The following PPP1R26 variants were observed in gnomAD, a reference collection of about 807,000 sequenced individuals.
PPP1R26 encodes 1A6/DRIM (down-regulated in metastasis) interacting protein.
In PPP1R26, 22 loss-of-function variants were observed where a neutral mutation model predicts 67.6. That is an observed-to-expected ratio of 0.33 (90% CI 0.23 to 0.46). PPP1R26 has a LOEUF of 0.46. Ranked by LOEUF, PPP1R26 falls within the 20% of genes least tolerant of loss-of-function variation. The probability of loss-of-function intolerance (pLI) is 1.00; values close to 1 mark genes in which losing one functional copy is unlikely to be tolerated. For synonymous variants in PPP1R26, 729 were observed against 717.2 expected, an observed-to-expected ratio of 1.02 and a Z score of -0.26; for missense variants, 1,602 against 1,651.4, an observed-to-expected ratio of 0.97 and a Z score of 0.52.
At chr9:135,483,862 C>CAT (rs1240215543) in intron 2 of PPP1R26, 88 bp from the exon 3 acceptor site, 1 of 396,674 alleles carries the variant, frequency 2.5e-6, no homozygotes, top group East Asian at 3.6e-5. Context: ...TGACATTTAA[C>CAT]ATAGAGAGGG....
Position 135,486,497 on chromosome 9 carries a change from C to G in PPP1R26, c.1987C>G (p.Gln663Glu). Residue 663 changes from glutamine to glutamate, a missense_variant, in exon 4 of 4, where the codon CAG (glutamine) becomes GAG (glutamate). Gln to Glu is a conservative substitution (Grantham distance 29). Coordinates refer to ENST00000356818, the MANE Select transcript of PPP1R26 (RefSeq NM_014811.5). The surrounding 1 kb of genome is among the most constrained non-coding windows in gnomAD (Gnocchi z 6.2). ...ARGPGDTRMSQGQGKTDEARR... is the reference protein window; with the variant it reads ...ARGPGDTRMSEGQGKTDEARR... ...GGGCCCTGGCGACACTCGCATGTCA[C>G]AGGGCCAGGGTAAGACAGACGAGGC... 6.2e-7 allele frequency: 1 copy of G among 1,612,820 alleles called. No homozygotes were observed. The highest frequency in any genetic ancestry group is 8.5e-7 in the Non-Finnish European group (1 of 1,179,884).
At position 135,487,082 on chromosome 9, in the gene PPP1R26, G is replaced by T. The variant is rs370760585; in HGVS notation, c.2572G>T (p.Val858Phe). The T allele has an allele frequency of 1.8e-5, 29 of 1,611,424 alleles. No individual in the cohort carries two copies. Among genetic ancestry groups the T allele is most frequent in the Admixed American group, 5.0e-5 (3 of 60,004 alleles). The change falls in exon 4 of 4, where the codon GTT becomes TTT. Residue 858 changes from valine to phenylalanine, a missense_variant. Physicochemically the swap from Val to Phe is conservative, Grantham distance 50. Coordinates refer to ENST00000356818, the MANE Select transcript of PPP1R26 (RefSeq NM_014811.5). ...CAAGGAGTCAGTGAGCAGTTCAGAA[G>T]TTCAGGCAGAGGGCCCCACCGCTCT... ...KAKESVSSSEVQAEGPTALGT... is the reference protein window; with the variant it reads ...KAKESVSSSEFQAEGPTALGT...
rs776026138 is a variant in PPP1R26 at position 135,486,414 on chromosome 9, G to A, written c.1904G>A (p.Arg635Gln). The A allele has an allele frequency of 2.0e-5, 33 of 1,612,962 alleles. No individual in the cohort carries two copies. Among genetic ancestry groups the A allele is most frequent in the Non-Finnish European group, 2.5e-5 (30 of 1,179,860 alleles). The change falls in exon 4 of 4, where the codon CGA becomes CAA. Residue 635 changes from arginine to glutamine, a missense_variant. By Grantham distance (43) the Arg-to-Gln change is conservative (BLOSUM62 1). Coordinates refer to ENST00000356818, the MANE Select transcript of PPP1R26 (RefSeq NM_014811.5). This position sits in a 1 kb window ranked among gnomAD's most constrained non-coding sequence, Gnocchi z 6.2. ...AGAGCTGAGCCCGGCCATGAGAGGC[G>A]AGACCTGCCCATCCAGGGCAAAGCC... ...QGRAEPGHER[R>Q]DLPIQGKASE...
intron 1 of PPP1R26, among the ~76,000 whole-genome samples, chr9:135,481,352 T>C (rs1170379981): frequency 6.6e-6 from 1 of 151,566 alleles, no homozygotes; most frequent in East Asian, 1.9e-4. Context: ...GCGATTCTCG[T>C]GCCTCAGCCC....
rs1175368772 is a variant in PPP1R26, at chr9:135,486,125, C to T, written c.1615C>T (p.Arg539Trp). The part of the protein sequence containing the change: ...DSDDSIEQEI[R>W]TFLALKAQSG... The stretch of plus-strand genomic sequence containing the variant: ...CGATGACAGCATCGAGCAGGAAATC[C>T]GGACATTTTTGGCCCTAAAGGCGCA... The change falls in exon 4 of 4, where the codon CGG (arginine) becomes TGG (tryptophan). Residue 539 changes from arginine to tryptophan, a missense_variant. Around this residue, in one of 5 missense-constraint regions of PPP1R26, gnomAD observed 680 missense variants for 726.1 expected, o/e 0.94. Coordinates refer to ENST00000356818, the MANE Select transcript of PPP1R26 (RefSeq NM_014811.5). The surrounding 1 kb of genome is among the most constrained non-coding windows in gnomAD (Gnocchi z 6.2). The T allele has an allele frequency of 8.7e-6, 14 of 1,612,806 alleles. No individual in the cohort carries two copies. The highest frequency in any genetic ancestry group is 1.3e-5 in the African/African-American group (1 of 74,920).
Position 135,486,220 on chromosome 9 carries a change from C to T in PPP1R26, c.1710C>T (p.Gly570=). The T allele has an allele frequency of 6.2e-7, 1 of 1,612,990 alleles. No individual in the cohort carries two copies. Among genetic ancestry groups the T allele is most frequent in the East Asian group, 2.2e-5 (1 of 44,870 alleles). Residue 570 remains glycine, a synonymous_variant, in exon 4 of 4, where the codon GGC becomes GGT. Coordinates refer to ENST00000356818, the MANE Select transcript of PPP1R26 (RefSeq NM_014811.5). This position sits in a 1 kb window ranked among gnomAD's most constrained non-coding sequence, Gnocchi z 6.2. ...QAAQGPLLPP[G]LNSQTGGHKT... ...CCCAGGGTCCACTTTTGCCGCCTGG[C>T]CTCAACAGCCAGACCGGCGGCCACA...
rs755220292 is a variant in PPP1R26, at chr9:135,487,737, C to T, written c.3227C>T (p.Ala1076Val). 137 of 1,458,368 alleles carry T rather than the reference C, an allele frequency of 9.4e-5. 2 individuals carry two copies. In the South Asian group the frequency reaches 1.3e-3, roughly 14 times the overall value. The allele number at this position is 1,458,368 out of a possible 1,614,324, so 90.3% of individuals were successfully genotyped here. Residue 1076 changes from alanine (A) to valine (V), a missense_variant, in exon 4 of 4, where the codon GCG becomes GTG. Ala to Val is a moderately conservative substitution (Grantham distance 64, BLOSUM62 0). Transcript: ENST00000356818. ...PARGLPSLPL[A>V]GFSPLLSTQL... ...CGGGGCCTGCCCAGCCTGCCCCTTG[C>T]GGGCTTCTCGCCGCTGCTGTCCACC...
intron 1 of PPP1R26, among the ~76,000 whole-genome samples, chr9:135,481,619 AT>A (rs895713872): frequency 3.7e-4 from 52 of 139,600 alleles, no homozygotes; most frequent in East Asian, 1.5e-3. Context: ...ACCCCCCTCG[AT>A]TTTTTTTTTT....
chr9:135,486,496 A>T lies in PPP1R26; in HGVS notation c.1986A>T (p.Ser662=). 6.2e-7 allele frequency: 1 copy of T among 1,612,932 alleles called. No homozygotes were observed. Among genetic ancestry groups the T allele is most frequent in the African/African-American group, 1.3e-5 (1 of 74,978 alleles). ...GGGGCCCTGGCGACACTCGCATGTC[A>T]CAGGGCCAGGGTAAGACAGACGAGG... ...TARGPGDTRM[S]QGQGKTDEAR... is the part of the protein sequence containing the mutation. Residue 662 remains serine (S), a synonymous_variant, in exon 4 of 4, where the codon TCA becomes TCT. Coordinates refer to ENST00000356818, the MANE Select transcript of PPP1R26 (RefSeq NM_014811.5). This position sits in a 1 kb window ranked among gnomAD's most constrained non-coding sequence, Gnocchi z 6.2.
intron 1 of PPP1R26, chr9:135,480,310 C>T (rs1830467492): frequency 6.6e-6 from 1 of 152,074 alleles, no homozygotes; most frequent in Admixed American, 6.5e-5. Context: ...TTGGCCCGGC[C>T]CGGGGCGGCC....
In PPP1R26 at chr9:135,485,113, G is replaced by T. The variant is rs764185038; in HGVS notation, c.603G>T (p.Gln201His). 6.2e-7 allele frequency: 1 copy of T among 1,612,786 alleles called. No individual in the cohort carries two copies. Among genetic ancestry groups the T allele is most frequent in the Non-Finnish European group, 8.5e-7 (1 of 1,179,822 alleles). The change falls in exon 4 of 4, where the codon CAG (glutamine) becomes CAT (histidine). Residue 201 changes from glutamine (Q) to histidine (H), a missense_variant. By Grantham distance (24) the Gln-to-His change is conservative. Around this residue, in one of 5 missense-constraint regions of PPP1R26, gnomAD observed 680 missense variants for 726.1 expected, o/e 0.94. Coordinates refer to ENST00000356818, the MANE Select transcript of PPP1R26 (RefSeq NM_014811.5). This position sits in a 1 kb window ranked among gnomAD's most constrained non-coding sequence, Gnocchi z 7.2. ...VPGSGGGPGS[Q>H]VGSSKDQGSA... ...GATCAGGTGGTGGCCCCGGCAGCCA[G>T]GTGGGATCCAGCAAGGACCAGGGCT...
rs1318128309 is a variant in PPP1R26 at position 135,485,017 on chromosome 9, C to T, written c.507C>T (p.Gly169=). 6.3e-7 allele frequency: 1 copy of T among 1,591,468 alleles called. No individual in the cohort carries two copies. Among genetic ancestry groups the T allele is most frequent in the South Asian group, 1.1e-5 (1 of 87,050 alleles). ...AGCCTTCCAGGGCCGCAGGCGGAGG[C>T]AGTAGATGTAAGCCGGAACCGGCTC... is the stretch of plus-strand genomic sequence containing the variant. ...AAQPSRAAGG[G]SRCKPEPAHG... The change falls in exon 4 of 4, where the codon GGC becomes GGT. Residue 169 remains glycine, a synonymous_variant. Coordinates refer to ENST00000356818, the MANE Select transcript of PPP1R26 (RefSeq NM_014811.5). This position sits in a 1 kb window ranked among gnomAD's most constrained non-coding sequence, Gnocchi z 7.2.
chr9:135,487,531 G>A lies in PPP1R26; in HGVS notation c.3021G>A (p.Leu1007=), dbSNP rs1338083412. 1 of 1,596,504 alleles carries A rather than the reference G, an allele frequency of 6.3e-7. No individual in the cohort carries two copies. The highest frequency in any genetic ancestry group is 8.5e-7 in the Non-Finnish European group (1 of 1,172,626). Residue 1007 remains leucine, a synonymous_variant, in exon 4 of 4, where the codon CTG becomes CTA. Transcript: ENST00000356818. ...FHMGCGSPSF[L]TPSPGAERDA... The stretch of plus-strand genomic sequence containing the variant: ...TGGGCTGCGGGAGCCCGAGCTTCCT[G>A]ACCCCCAGCCCGGGAGCGGAGAGGG...
chr9:135,481,934 A>G (rs1382115877), intron 1 of PPP1R26, among the ~76,000 whole-genome samples: 1 of 152,164 alleles, frequency 6.6e-6, no homozygotes, highest in Non-Finnish European at 1.5e-5. Flanking sequence ...TTTTAATACC[A>G]TTCTTGAACT....
chr9:135,481,958 A>T (rs1830534805), intron 1 of PPP1R26, among the ~76,000 whole-genome samples: 1 of 152,170 alleles, frequency 6.6e-6, no homozygotes, highest in Non-Finnish European at 1.5e-5. Context: ...TGATTTGACA[A>T]CTTAGAAAAC....
Position 135,487,965 on chromosome 9 carries a change from G to A in PPP1R26, c.3455G>A (p.Gly1152Glu). The A allele has an allele frequency of 6.2e-7, 1 of 1,605,060 alleles. No homozygotes were observed. The highest frequency in any genetic ancestry group is 8.5e-7 in the Non-Finnish European group (1 of 1,176,746). Residue 1152 changes from glycine (G) to glutamate (E), a missense_variant, in exon 4 of 4, where the codon GGG (glycine) becomes GAG (glutamate). By Grantham distance (98) the Gly-to-Glu change is moderately conservative. Around this residue, in one of 5 missense-constraint regions of PPP1R26, gnomAD observed 740 missense variants for 696.3 expected, o/e 1.06. Coordinates refer to ENST00000356818, the MANE Select transcript of PPP1R26 (RefSeq NM_014811.5). ...TGGCCAACCAGGAAGGCACAGGCAG[G>A]GCTGAGTTTGCATGACAGGAGGAGC... ...GPWPTRKAQA[G>E]LSLHDRRSSG...
chr9:135,479,465 G>A (rs1830433741), upstream of PPP1R26, among the ~76,000 whole-genome samples: 1 of 150,648 alleles, frequency 6.6e-6, no homozygotes, highest in South Asian at 2.1e-4. This position sits in a 1 kb window ranked among gnomAD's most constrained non-coding sequence, Gnocchi z 5.9. Context: ...GGAGGTGGCC[G>A]CGGTACGGGA....
Position 135,486,924 on chromosome 9 carries a change from C to T in PPP1R26, c.2414C>T (p.Ser805Phe). The change falls in exon 4 of 4, where the codon TCC becomes TTC. Residue 805 changes from serine (S) to phenylalanine (F), a missense_variant. This residue lies in a region of PPP1R26 where 740 missense variants were observed against 696.3 expected (regional missense o/e 1.06). Coordinates refer to ENST00000356818, the MANE Select transcript of PPP1R26 (RefSeq NM_014811.5). The surrounding 1 kb of genome is among the most constrained non-coding windows in gnomAD (Gnocchi z 6.2). The stretch of plus-strand genomic sequence containing the variant: ...AGGAGACCCGCCTCCGCCTCTGCCT[C>T]CGAAGGGAATCCATTCCCCAGGGAG... ...RVRRPASASASEGNPFPRESQ... is the reference protein window; with the variant it reads ...RVRRPASASAFEGNPFPRESQ... 6.2e-7 allele frequency: 1 copy of T among 1,613,022 alleles called. No homozygotes were observed.
At chr9:135,484,407 G>C (rs891920917) in intron 3 of PPP1R26, 42 bp from the exon 4 acceptor site, 10 of 1,125,022 alleles carry the variant, frequency 8.9e-6, no homozygotes, top group Non-Finnish European at 1.3e-5. Flanking sequence ...AGCTATCGCT[G>C]TTTGTAGCTG....
Sources: gnomAD v4.1 joint callset for allele counts (sites outside exome capture counted in the v4.1 genomes callset) on GRCh38, gnomAD v4.1.1 for gene constraint, gnomAD v4.1.1 regional missense constraint, Gnocchi (gnomAD v3.1) non-coding constraint, MANE v1.5 for transcripts, NCBI Gene and HGNC (gene_info 2026-07-23, HGNC 2026-07-21) for gene names.